QTMAN: variants seen among roughly 807,000 people sequenced by gnomAD.
QTMAN encodes the protein queuosine-tRNA mannosyltransferase.
the QTMAN span, among the ~76,000 whole-genome samples, chr2:144,220,510 C>T: frequency 1.3e-5 from 2 of 152,146 alleles, no homozygotes; most frequent in Admixed American, 6.5e-5. Context: ...TCCAATGATA[C>T]AAATATTTTG....
the QTMAN span, chr2:143,952,667 G>A: frequency 9.6e-6 from 8 of 833,750 alleles, no homozygotes; most frequent in Non-Finnish European, 1.6e-5. Flanking sequence ...ATGTTGACTT[G>A]CCAAATAAAC....
the QTMAN span, among the ~76,000 whole-genome samples, chr2:144,247,752 C>A: frequency 6.6e-6 from 1 of 152,198 alleles, no homozygotes; most frequent in East Asian, 1.9e-4. Context: ...CAGTTCACTG[C>A]AGCCTTGACT....
chr2:144,104,965 G>A, the QTMAN span, among the ~76,000 whole-genome samples: 2 of 152,214 alleles, frequency 1.3e-5, no homozygotes, highest in Non-Finnish European at 2.9e-5. Flanking sequence ...TCGCTGCTCT[G>A]CAGCCTCCAC....
At chr2:144,214,762 C>T in the QTMAN span, among the ~76,000 whole-genome samples, 18 of 152,130 alleles carry the variant, frequency 1.2e-4, no homozygotes, top group Non-Finnish European at 2.4e-4. Flanking sequence ...AAAACTCATA[C>T]GCCATACTTT....
the QTMAN span, among the ~76,000 whole-genome samples, chr2:143,997,568 T>C: frequency 6.6e-6 from 1 of 152,116 alleles, no homozygotes; most frequent in Non-Finnish European, 1.5e-5. Flanking sequence ...TTTTATTTGC[T>C]CATTCCCTTG....
chr2:144,169,043 C>T, the QTMAN span, among the ~76,000 whole-genome samples: 2 of 151,984 alleles, frequency 1.3e-5, no homozygotes, highest in South Asian at 2.1e-4. Flanking sequence ...TAAAGAAATG[C>T]TATAAAAAAT....
the QTMAN span, among the ~76,000 whole-genome samples, chr2:144,316,716 T>C: frequency 1.3e-5 from 2 of 152,186 alleles, no homozygotes; most frequent in African/African-American, 4.8e-5. Flanking sequence ...CCAATGTCAT[T>C]CTACAACACT....
At chr2:144,092,957 A>G in the QTMAN span, among the ~76,000 whole-genome samples, 1 of 152,050 alleles carries the variant, frequency 6.6e-6, no homozygotes, top group African/African-American at 2.4e-5. Flanking sequence ...TAAACAACAT[A>G]TGAAAGTCCT....
At chr2:144,176,890 T>C in the QTMAN span, among the ~76,000 whole-genome samples, 1 of 152,150 alleles carries the variant, frequency 6.6e-6, no homozygotes, top group East Asian at 1.9e-4. Flanking sequence ...AGTGGTTTAA[T>C]TGGCTCACAG....
chr2:144,241,632 ATCTT>A, the QTMAN span, among the ~76,000 whole-genome samples: 6 of 152,198 alleles, frequency 3.9e-5, no homozygotes, highest in East Asian at 1.9e-4. Context: ...ATTCTTGCTG[ATCTT>A]TCTTTTTTAT....
the QTMAN span, among the ~76,000 whole-genome samples, chr2:143,950,068 T>C: frequency 6.6e-6 from 1 of 151,766 alleles, no homozygotes. Context: ...GTGTTACAGA[T>C]TTATAAGAGA....
the QTMAN span, among the ~76,000 whole-genome samples, chr2:144,295,644 G>A: frequency 7.2e-5 from 11 of 152,174 alleles, no homozygotes; most frequent in South Asian, 2.1e-4. Context: ...ACAGGGTCTC[G>A]CTCCATCACC....
chr2:144,118,017 T>C, the QTMAN span, among the ~76,000 whole-genome samples: 3 of 152,208 alleles, frequency 2.0e-5, no homozygotes, highest in East Asian at 5.8e-4. Flanking sequence ...GGCTAATTTT[T>C]TTGTATTTTT....
the QTMAN span, among the ~76,000 whole-genome samples, chr2:144,182,140 T>G: frequency 6.6e-6 from 1 of 152,306 alleles, no homozygotes; most frequent in East Asian, 1.9e-4. Context: ...AAACTGGCCT[T>G]TAACATTTCA....
the QTMAN span, among the ~76,000 whole-genome samples, chr2:144,120,619 C>T: frequency 7.2e-5 from 11 of 152,202 alleles, no homozygotes; most frequent in Non-Finnish European, 1.5e-4. Context: ...CACATTCCCA[C>T]GAAATTTTAT....
At chr2:143,965,934 A>G in the QTMAN span, among the ~76,000 whole-genome samples, 1 of 152,248 alleles carries the variant, frequency 6.6e-6, no homozygotes, top group African/African-American at 2.4e-5. Context: ...GTTTCCAGCA[A>G]GAAGATTACA....
the QTMAN span, among the ~76,000 whole-genome samples, chr2:144,056,357 G>A: frequency 6.6e-5 from 10 of 152,186 alleles, no homozygotes; most frequent in African/African-American, 2.2e-4. Flanking sequence ...CATGTCTGCA[G>A]GATGAATGCA....
the QTMAN span, among the ~76,000 whole-genome samples, chr2:143,960,662 G>A: frequency 9.0e-3 from 1,375 of 152,166 alleles, 19 homozygotes; most frequent in African/African-American, 0.031. Context: ...GAGAGGCAAT[G>A]ACAGGATAAA....
At chr2:144,155,577 A>C in the QTMAN span, among the ~76,000 whole-genome samples, 1 of 152,136 alleles carries the variant, frequency 6.6e-6, no homozygotes, top group Non-Finnish European at 1.5e-5. Context: ...TTCCCTTCTA[A>C]ATACTATAAA....
Sources: gnomAD v4.1 joint callset for allele counts (sites outside exome capture counted in the v4.1 genomes callset) on GRCh38, gnomAD v4.1.1 for gene constraint, MANE v1.5 for transcripts, NCBI Gene and HGNC (gene_info 2026-07-23, HGNC 2026-07-21) for gene names.